ZNHIT3: variants seen among roughly 807,000 people sequenced by gnomAD.
ZNHIT3 encodes zinc finger HIT-type containing 3.
Under a neutral mutation model 19.9 loss-of-function variants are expected in ZNHIT3, and 27 were observed. The ratio of observed to expected loss-of-function variants is 1.36; its 90% CI spans 1.00 to 1.87. The LOEUF (loss-of-function observed/expected upper bound fraction) is 1.87, where lower values mean the gene tolerates loss of function less well. Among genes scored for constraint, ZNHIT3 ranks in the 40% most tolerant of loss-of-function variants. ZNHIT3 has a pLI of 0.00. For missense variants in ZNHIT3, 215 were observed against 185.6 expected, an observed-to-expected ratio of 1.16 and a Z score of -0.92; for synonymous variants, 81 against 65.7, an observed-to-expected ratio of 1.23 and a Z score of -1.13.
intron 2 of ZNHIT3, chr17:36,490,563 TG>T (rs2070703173): frequency 6.6e-6 from 1 of 152,202 alleles, no homozygotes; most frequent in Admixed American, 6.5e-5. Context: ...CTTTGGCTAT[TG>T]GGGGTCTTTT....
downstream of ZNHIT3, chr17:36,498,723 A>C (rs143414798): frequency 2.8e-6 from 2 of 711,114 alleles, no homozygotes; most frequent in East Asian, 2.7e-5. Context: ...ATATGCCACA[A>C]GTCTATACAC....
downstream of ZNHIT3, chr17:36,496,506 A>G (rs1179440886): frequency 8.9e-7 from 1 of 1,124,810 alleles, no homozygotes. Context: ...GAAGGTATGG[A>G]CAAGTACTAG....
At chr17:36,487,141 G>T (rs2070583613) in intron 2 of ZNHIT3, among the ~76,000 whole-genome samples, 175 bp downstream of exon 2, 1 of 152,066 alleles carries the variant, frequency 6.6e-6, no homozygotes, top group Non-Finnish European at 1.5e-5. Flanking sequence ...TCTGTGTGTC[G>T]GACAGTTCCC....
At chr17:36,497,288 G>A (rs1339019296), downstream of ZNHIT3, among the ~76,000 whole-genome samples, 2 of 151,170 alleles carry the variant, frequency 1.3e-5, no homozygotes, top group Non-Finnish European at 2.9e-5. Context: ...GGGCGACAGA[G>A]TGAGACTCCG....
chr17:36,494,055 G>T (rs750852425), intron 4 of ZNHIT3, 49 bp downstream of exon 4: 2 of 1,436,686 alleles, frequency 1.4e-6, no homozygotes, highest in African/African-American at 2.8e-5. Flanking sequence ...TTACTGTGTT[G>T]TAAGGATTGT....
In ZNHIT3 at chr17:36,492,834, G is replaced by A. The variant is rs145246125; in HGVS notation, c.140G>A (p.Arg47His). The A allele has an allele frequency of 2.4e-5, 38 of 1,614,112 alleles. No homozygotes were observed. In the African/African-American group the frequency reaches 2.5e-4, roughly 11 times the overall value. ...TCAGAACAGTGCAACCCTGAAACTC[G>A]TCCTGTTGAGAAAAAAATAAGATCA... The part of the protein sequence containing the change: ...KHKEQCNPET[R>H]PVEKKIRSAL... Residue 47 changes from arginine to histidine, a missense_variant, in exon 3 of 5, where the codon CGT (arginine) becomes CAT (histidine). Physicochemically the swap from Arg to His is conservative, Grantham distance 29 (BLOSUM62 0). Transcript: ENST00000617429.
Position 36,486,684 on chromosome 17 carries a change from C to G in ZNHIT3, c.-16C>G, listed in dbSNP as rs201411835. 29 of 1,613,840 alleles carry G rather than the reference C, an allele frequency of 1.8e-5. No individual in the cohort carries two copies. Among genetic ancestry groups the G allele is most frequent in the Middle Eastern group, 1.6e-4 (1 of 6,062 alleles). On this transcript the variant is annotated 5_prime_UTR_variant, in exon 1 of 5. Transcript: ENST00000617429. ...GGCGCGCGGCGGCGCAGTGAACAGT[C>G]TCCTTCCACAAAACCATGGCGTCGC...
intron 2 of ZNHIT3, chr17:36,490,765 T>C (rs915716794): frequency 3.3e-5 from 5 of 152,358 alleles, no homozygotes; most frequent in African/African-American, 9.6e-5. Flanking sequence ...TAAAGTGGTA[T>C]TTAATAAATA....
intron 3 of ZNHIT3, among the ~76,000 whole-genome samples, chr17:36,493,433 T>C (rs895869934): frequency 6.6e-5 from 10 of 152,242 alleles, no homozygotes; most frequent in East Asian, 1.9e-4. Context: ...CAAAGAGGTA[T>C]TGAACATTCA....
downstream of ZNHIT3, among the ~76,000 whole-genome samples, chr17:36,497,143 A>G (rs1355803475): frequency 6.6e-6 from 1 of 151,568 alleles, no homozygotes; most frequent in African/African-American, 2.4e-5. Flanking sequence ...CAGCCTGGCC[A>G]ATATGGCGAA....
At chr17:36,491,488 G>A (rs189801701) in intron 2 of ZNHIT3, 21 of 152,106 alleles carry the variant, frequency 1.4e-4, no homozygotes, top group Admixed American at 4.6e-4. Flanking sequence ...TCTATTTTTC[G>A]TAGAGACAGG....
In ZNHIT3 at chr17:36,495,636, T is replaced by C; in HGVS notation, c.*232T>C. The C allele has an allele frequency of 7.7e-7, 1 of 1,290,458 alleles. No individual in the cohort carries two copies. The highest frequency in any genetic ancestry group is 3.0e-5 in the South Asian group (1 of 33,354). The allele number at this position is 1,290,458 out of a possible 1,614,324, so 79.9% of individuals were successfully genotyped here. A position where few individuals can be genotyped will look rare whatever the true frequency, so the allele number is the denominator to read the frequency against. ...GAGAGAAAACTTGACATTCAGATGA[T>C]TGTTTTTAAATGTTTTACTTTTGGT... On this transcript the variant is annotated 3_prime_UTR_variant, in exon 5 of 5. Coordinates refer to ENST00000617429, the MANE Select transcript of ZNHIT3 (RefSeq NM_004773.4).
downstream of ZNHIT3, chr17:36,498,122 T>G (rs7502698): frequency 7.8e-3 from 6,208 of 792,312 alleles, 261 homozygotes; most frequent in African/African-American, 0.091. Flanking sequence ...TGCAGCTGAT[T>G]GGGACATGCA....
At chr17:36,487,635 A>T (rs1015560990) in intron 2 of ZNHIT3, among the ~76,000 whole-genome samples, 1 of 151,466 alleles carries the variant, frequency 6.6e-6, no homozygotes, top group African/African-American at 2.4e-5. Context: ...CTCTACTAAA[A>T]ATACAAAAAT....
downstream of ZNHIT3, chr17:36,498,249 C>T: frequency 6.3e-7 from 1 of 1,599,844 alleles, no homozygotes; most frequent in Non-Finnish European, 8.5e-7. Flanking sequence ...CTGTCATGGC[C>T]ATCACACACA....
chr17:36,496,670 T>C (rs928003177), downstream of ZNHIT3, among the ~76,000 whole-genome samples: 1 of 152,202 alleles, frequency 6.6e-6, no homozygotes, highest in Non-Finnish European at 1.5e-5. Context: ...CCCTTCTGTT[T>C]AGCAGGCCTG....
At chr17:36,492,672 A>G in intron 2 of ZNHIT3, 141 bp from the exon 3 acceptor site, 1 of 715,138 alleles carries the variant, frequency 1.4e-6, no homozygotes, top group South Asian at 1.7e-5. Flanking sequence ...TTGATCTCTC[A>G]CTTCTTCCAC....
rs2070911858 is a variant in ZNHIT3, at chr17:36,495,750, T to C, written c.*346T>C. 1 of 1,247,470 alleles carries C rather than the reference T, an allele frequency of 8.0e-7. No individual in the cohort carries two copies. The allele number at this position is 1,247,470 out of a possible 1,614,324, so 77.3% of individuals were successfully genotyped here. A position where few individuals can be genotyped will look rare whatever the true frequency, so the allele number is the denominator to read the frequency against. On this transcript the variant is annotated 3_prime_UTR_variant, in exon 5 of 5. Transcript: ENST00000617429. ...TGTTAATAAAATCAAAACGTGATTCTACTGTACATTGCATTATTCATAATT... is the reference window on the plus strand; with the variant it reads ...TGTTAATAAAATCAAAACGTGATTCCACTGTACATTGCATTATTCATAATT...
At chr17:36,496,444 C>CAT (rs1214172301), downstream of ZNHIT3, 22 of 1,607,150 alleles carry the variant, frequency 1.4e-5, no homozygotes, top group African/African-American at 2.9e-4. Context: ...AGCACTAGTT[C>CAT]CTGGGAGTGC....
Sources: allele counts gnomAD v4.1 joint callset (sites outside exome capture counted in the v4.1 genomes callset), GRCh38; gene constraint gnomAD v4.1.1; transcripts MANE v1.5; gene names NCBI Gene and HGNC (gene_info 2026-07-23, HGNC 2026-07-21).